Variants in CENPI observed in about 807,000 individuals in gnomAD.
CENPI encodes the protein centromere protein I.
In CENPI, 4 loss-of-function variants were observed where a neutral mutation model predicts 60.4. The observed-to-expected ratio is 0.07, with a 90% CI of 0.03 to 0.15. The LOEUF (loss-of-function observed/expected upper bound fraction) is 0.15, where lower values mean the gene tolerates loss of function less well. Ranked by LOEUF, CENPI falls within the 10% of genes least tolerant of loss-of-function variation. CENPI has a pLI of 1.00. For synonymous variants in CENPI, 157 were observed against 189.4 expected (o/e 0.83, Z 1.40); for missense variants, 444 against 534.5 (o/e 0.83, Z 1.67).
intron 16 of CENPI, among the ~76,000 whole-genome samples, chrX:101,143,942 G>A (rs1482033304): frequency 8.9e-6 from 1 of 111,955 alleles, no homozygotes. Context: ...GTTACTAACA[G>A]TATAGGAAAC....
intron 15 of CENPI, among the ~76,000 whole-genome samples, chrX:101,138,409 C>G (rs2089872897): frequency 9.2e-6 from 1 of 108,538 alleles, no homozygotes; most frequent in Admixed American, 9.9e-5. Context: ...GTGATCTCGG[C>G]TCACTGCAAC....
At chrX:101,127,805 GCTGC>G in intron 11 of CENPI, 140 bp downstream of exon 11, 1 of 457,663 alleles carries the variant, frequency 2.2e-6, no homozygotes, top group Non-Finnish European at 3.7e-6. Context: ...ATGGCTCACT[GCTGC>G]CTTGAACTCC....
chrX:101,175,072 A>G, the CENPI span, among the ~76,000 whole-genome samples: 1 of 112,090 alleles, frequency 8.9e-6, no homozygotes, highest in Non-Finnish European at 1.9e-5. Flanking sequence ...GTGCCATTGC[A>G]CTCCAGCCTG....
intron 6 of CENPI, among the ~76,000 whole-genome samples, chrX:101,111,151 A>G (rs752427254): frequency 3.6e-5 from 4 of 111,182 alleles, no homozygotes. Context: ...ATTTTTGGCT[A>G]GAATATGTTG....
In CENPI at chrX:101,121,164, C is replaced by T. The variant is rs1034334511; in HGVS notation, c.687+380C>T. 4.5e-5 allele frequency among the ~76,000 whole-genome samples: 5 copies of T among 111,480 alleles called. No homozygotes were observed. In the Admixed American group the frequency reaches 4.8e-4, roughly 11 times the overall value. The stretch of plus-strand genomic sequence containing the variant: ...GTTCTGGGATTACAGGCGTAAGCCA[C>T]CGCGCCTGGCCTATCACTCATTATC... On this transcript the variant is annotated intron_variant, in intron 8 of 21. Transcript: ENST00000682095.
chrX:101,140,395 A>C (rs73635562), intron 15 of CENPI, among the ~76,000 whole-genome samples: 1,757 of 112,027 alleles, frequency 0.016, 28 homozygotes, highest in African/African-American at 0.054. Flanking sequence ...AGTTGTTATA[A>C]ATTGATGTAA....
rs572761847 is a variant in CENPI, at chrX:101,121,267, G to A, written c.687+483G>A. Among the ~76,000 whole-genome samples, 17 of 111,001 alleles carry A rather than the reference G, an allele frequency of 1.5e-4. No homozygotes were observed. The South Asian group carries it at 1.9e-3, about 12-fold the overall frequency. On this transcript the variant is annotated intron_variant, in intron 8 of 21. Transcript: ENST00000682095. Reference sequence around the variant, plus strand: ...TCAGACTTGGGGTCAAGGAGAAGTGGTGATGCTTGAGAGAATTATTTATTT... The same window carrying A: ...TCAGACTTGGGGTCAAGGAGAAGTGATGATGCTTGAGAGAATTATTTATTT...
In CENPI at chrX:101,156,212, A is replaced by G. The variant is rs1309466295; in HGVS notation, c.2095-5316A>G. Among the ~76,000 whole-genome samples the G allele has an allele frequency of 3.6e-5, 4 of 110,893 alleles. 1 individual carries two copies. The highest frequency in any genetic ancestry group is 1.3e-4 in the African/African-American group (4 of 30,472). On this transcript the variant is annotated intron_variant, in intron 20 of 21. Coordinates refer to ENST00000682095, the MANE Select transcript of CENPI (RefSeq NM_001386188.2). ...GTTTTTAGTAGAGATGGGTTTCACC[A>G]TGTTGGTTAGGCTGGTCTTGAACTC...
At chrX:101,108,966 G>A (rs2089519745) in intron 4 of CENPI, among the ~76,000 whole-genome samples, 1 of 109,862 alleles carries the variant, frequency 9.1e-6, no homozygotes. Flanking sequence ...TTGTATATTA[G>A]TAGTTAAAGG....
intron 20 of CENPI, among the ~76,000 whole-genome samples, chrX:101,153,953 T>C (rs768114845): frequency 4.9e-4 from 55 of 112,085 alleles, no homozygotes; most frequent in Non-Finnish European, 8.3e-4. Flanking sequence ...GATTTAAGTA[T>C]ACAACTTCAT....
chrX:101,125,626 G>A (rs1005503850), intron 8 of CENPI, among the ~76,000 whole-genome samples: 3 of 111,045 alleles, frequency 2.7e-5, no homozygotes. Flanking sequence ...TCAAACTTCT[G>A]ACCTCAAGTG....
chrX:101,157,889 T>C (rs1403914082), intron 20 of CENPI, among the ~76,000 whole-genome samples: 1 of 110,856 alleles, frequency 9.0e-6, no homozygotes, highest in Non-Finnish European at 1.9e-5. Context: ...TATTAAACAC[T>C]AGAACTTATT....
At chrX:101,116,241 T>G (rs1413905131) in intron 6 of CENPI, among the ~76,000 whole-genome samples, 1 of 111,451 alleles carries the variant, frequency 9.0e-6, no homozygotes, top group African/African-American at 3.3e-5. Flanking sequence ...CCAGGATTGC[T>G]CTGAATGAGG....
chrX:101,114,319 A>G (rs2089592145), intron 6 of CENPI, among the ~76,000 whole-genome samples: 1 of 112,226 alleles, frequency 8.9e-6, no homozygotes, highest in South Asian at 3.7e-4. Flanking sequence ...TTCACATACC[A>G]TACAATTCAC....
intron 16 of CENPI, among the ~76,000 whole-genome samples, chrX:101,142,485 G>C (rs912525305): frequency 9.0e-6 from 1 of 111,311 alleles, no homozygotes; most frequent in African/African-American, 3.3e-5. Context: ...CAAAAAGGGA[G>C]TAAATTGTAG....
intron 8 of CENPI, among the ~76,000 whole-genome samples, chrX:101,124,348 C>G (rs190006698): frequency 1.1e-4 from 12 of 110,887 alleles, no homozygotes; most frequent in Admixed American, 3.9e-4. Flanking sequence ...CTTCTGGGAC[C>G]TCTTCTATTC....
At position 101,101,129 on chromosome X, in the gene CENPI, G is replaced by C; in HGVS notation, c.59G>C (p.Ser20Thr). ...GCACAAAACAGGACTTCACAAGGTA[G>C]TAGTAGTTTTCAGACCACGCTTTCA... The part of the protein sequence containing the change: ...VQAQNRTSQG[S>T]SSFQTTLSAW... Residue 20 changes from serine (S) to threonine (T), a missense_variant, in exon 3 of 22, where the codon AGT (serine) becomes ACT (threonine). Transcript: ENST00000682095. 1 of 1,211,677 alleles carries C rather than the reference G, an allele frequency of 8.3e-7. No homozygotes were observed.
chrX:101,153,952 A>G (rs951441528), intron 20 of CENPI, among the ~76,000 whole-genome samples: 1 of 111,935 alleles, frequency 8.9e-6, no homozygotes, highest in Non-Finnish European at 1.9e-5. Context: ...TGATTTAAGT[A>G]TACAACTTCA....
intron 7 of CENPI, 122 bp from the exon 8 acceptor site, chrX:101,120,616 G>C (rs968262441): frequency 5.5e-5 from 39 of 705,112 alleles, no homozygotes; most frequent in Non-Finnish European, 8.5e-5. Context: ...AACTGAACAG[G>C]TATTTATTTC....
Sources: gnomAD v4.1 joint callset for allele counts (sites outside exome capture counted in the v4.1 genomes callset) on GRCh38, gnomAD v4.1.1 for gene constraint, MANE v1.5 for transcripts, NCBI Gene and HGNC (gene_info 2026-07-23, HGNC 2026-07-21) for gene names.